The following DDX60 variants were observed in gnomAD, a reference collection of about 807,000 sequenced individuals.
DDX60 encodes the protein probable ATP-dependent RNA helicase DDX60.
A neutral mutation model predicts 212.8 loss-of-function variants in DDX60; 165 were observed. The ratio of observed to expected loss-of-function variants is 0.78; its 90% CI spans 0.68 to 0.88. The LOEUF (loss-of-function observed/expected upper bound fraction) is 0.88. DDX60 is among the 40% of genes least tolerant of loss of function. The pLI, the probability that DDX60 is intolerant of heterozygous loss-of-function variation, is 0.00. For missense variants in DDX60, 1,905 were observed against 2,003.9 expected (o/e 0.95, Z 0.94); for synonymous variants, 703 against 685.3 (o/e 1.03, Z -0.40).
At chr4:168,246,707 G>A (rs1015584945) in intron 29 of DDX60, 89 bp from the exon 30 acceptor site, 3 of 1,377,676 alleles carry the variant, frequency 2.2e-6, no homozygotes, top group African/African-American at 2.9e-5. Flanking sequence ...CTGGTTTGGA[G>A]CATGGAAATT....
chr4:168,319,369 CTG>C (rs1347881296), upstream of DDX60, among the ~76,000 whole-genome samples: 6 of 152,116 alleles, frequency 3.9e-5, no homozygotes, highest in African/African-American at 1.2e-4. Flanking sequence ...GTAAAAGACA[CTG>C]TGGAATCTGA....
chr4:168,310,644 G>A (rs1230639705), intron 3 of DDX60, among the ~76,000 whole-genome samples: 2 of 152,084 alleles, frequency 1.3e-5, no homozygotes, highest in Non-Finnish European at 2.9e-5. Context: ...GTAGAGCAGA[G>A]AGAAAGCTAT....
intron 1 of DDX60, among the ~76,000 whole-genome samples, chr4:168,311,676 C>T (rs1234527095): frequency 6.6e-6 from 1 of 151,974 alleles, no homozygotes; most frequent in Non-Finnish European, 1.5e-5. Context: ...AGAGGAAATA[C>T]CAGAATACCA....
chr4:168,277,725 C>T (rs1224721862), intron 14 of DDX60, among the ~76,000 whole-genome samples: 4 of 146,594 alleles, frequency 2.7e-5, no homozygotes, highest in Non-Finnish European at 4.5e-5. Context: ...AGGAGAATGG[C>T]GTGAACCCAG....
intron 33 of DDX60, among the ~76,000 whole-genome samples, chr4:168,233,789 C>T (rs182434955): frequency 9.9e-4 from 151 of 152,038 alleles, no homozygotes; most frequent in Middle Eastern, 3.4e-3. Flanking sequence ...GCACCAAAAT[C>T]TCAGAAATCA....
intron 29 of DDX60, among the ~76,000 whole-genome samples, 179 bp downstream of exon 29, chr4:168,248,009 A>G (rs917651716): frequency 6.6e-6 from 1 of 152,192 alleles, no homozygotes; most frequent in Non-Finnish European, 1.5e-5. Context: ...TAATCACACA[A>G]TCCCAAATGC....
chr4:168,325,899 G>A, the DDX60 span, among the ~76,000 whole-genome samples: 1 of 152,228 alleles, frequency 6.6e-6, no homozygotes, highest in East Asian at 1.9e-4. Context: ...CCCAGGGAGT[G>A]ACAGCCACGT....
chr4:168,316,420 A>G (rs1454580430), intron 1 of DDX60, among the ~76,000 whole-genome samples: 1 of 152,158 alleles, frequency 6.6e-6, no homozygotes, highest in African/African-American at 2.4e-5. Context: ...TAATTAACCA[A>G]CTTGGCAGTT....
intron 26 of DDX60, among the ~76,000 whole-genome samples, chr4:168,254,954 T>G (rs1008067760): frequency 6.6e-6 from 1 of 152,204 alleles, no homozygotes; most frequent in Non-Finnish European, 1.5e-5. Flanking sequence ...AAGCTTAGAC[T>G]TCATCAGCTA....
intron 6 of DDX60, among the ~76,000 whole-genome samples, chr4:168,296,914 C>T (rs1452181493): frequency 1.4e-5 from 2 of 145,954 alleles, no homozygotes; most frequent in Non-Finnish European, 3.0e-5. Context: ...CACTCTGTCA[C>T]CAGGCTGCAG....
rs780980323 is a variant in DDX60, at chr4:168,272,151, A to C, written c.2575-13T>G. The stretch of plus-strand genomic sequence containing the variant: ...CTGTAATAAGTACCTACAAAGAATA[A>C]TATTGTGTGAAGTAACATTTTGAGC... On this transcript the variant is annotated splice_polypyrimidine_tract_variant and intron_variant, in intron 18 of 37. Coordinates refer to ENST00000393743, the MANE Select transcript of DDX60 (RefSeq NM_017631.6). 3.2e-6 allele frequency: 5 copies of C among 1,555,724 alleles called. No homozygotes were observed. Among genetic ancestry groups the C allele is most frequent in the Non-Finnish European group, 2.6e-6 (3 of 1,146,070 alleles).
rs1162928731 is a variant in DDX60, at chr4:168,246,477, C to T, written c.4105G>A (p.Val1369Ile). 4 of 1,613,968 alleles carry T rather than the reference C, an allele frequency of 2.5e-6. No individual in the cohort carries two copies. Among genetic ancestry groups the T allele is most frequent in the South Asian group, 1.1e-5 (1 of 91,076 alleles). ...RGHFPLSITL[V>I]LRLMLLASKG... Reference sequence around the variant, plus strand: ...GAAGCCAGCAGCATGAGTCGCAGGACCAGGGTTATGCTGAGAGGGAAGTGT... The same window carrying T: ...GAAGCCAGCAGCATGAGTCGCAGGATCAGGGTTATGCTGAGAGGGAAGTGT... The change falls in exon 30 of 38, where the codon GTC (valine) becomes ATC (isoleucine). Residue 1369 changes from valine (V) to isoleucine (I), a missense_variant. Val to Ile is a conservative substitution (Grantham distance 29). Transcript: ENST00000393743.
rs749393895 is a variant in DDX60 at position 168,262,719 on chromosome 4, G to A, written c.3108C>T (p.Ala1036=). 1.9e-5 allele frequency: 31 copies of A among 1,612,026 alleles called. No individual in the cohort carries two copies. The highest frequency in any genetic ancestry group is 2.3e-5 in the Non-Finnish European group (27 of 1,178,988). ...GCCAACTTTTCCAAATTTGAAACAT[G>A]GCATCATACAGCTGGATGCTTTCTC... ...SPRESIQLYD[A]MFQIWKSWPR... Residue 1036 remains alanine, a synonymous_variant, in exon 23 of 38, where the codon GCC becomes GCT. Transcript: ENST00000393743.
chr4:168,308,002 T>G lies in DDX60; in HGVS notation c.264+4A>C, dbSNP rs774030256. On this transcript the variant is annotated splice_donor_region_variant and intron_variant, in intron 4 of 37. Coordinates refer to ENST00000393743, the MANE Select transcript of DDX60 (RefSeq NM_017631.6). ...TATAAAAAAGAACTCAACTATCATG[T>G]TACCTTGAAGAAAACTATGGTGAAT... is the stretch of plus-strand genomic sequence containing the variant. 9.6e-6 allele frequency: 15 copies of G among 1,563,610 alleles called. No individual in the cohort carries two copies. In the African/African-American group the frequency reaches 2.0e-4, roughly 20 times the overall value.
At chr4:168,256,287 G>A (rs1322586303) in intron 25 of DDX60, among the ~76,000 whole-genome samples, 2 of 151,868 alleles carry the variant, frequency 1.3e-5, no homozygotes, top group Non-Finnish European at 2.9e-5. Flanking sequence ...CTCTAAAAAT[G>A]AGAAAAAAAA....
intron 10 of DDX60, 103 bp downstream of exon 10, chr4:168,286,945 T>C (rs1735887280): frequency 1.2e-6 from 1 of 811,114 alleles, no homozygotes; most frequent in Non-Finnish European, 1.8e-6. Flanking sequence ...AAAATTCAAG[T>C]GCCAGAAAAT....
rs1579013816 is a variant in DDX60 at position 168,262,244 on chromosome 4, A to T, written c.3145-116T>A. On this transcript the variant is annotated intron_variant, in intron 23 of 37. Coordinates refer to ENST00000393743, the MANE Select transcript of DDX60 (RefSeq NM_017631.6). ...GTTTCTTGAGCACAGAGATGGTTAA[A>T]CTTTTTATCTCCACATGGCTTCTAA... 26 of 1,116,518 alleles carry T rather than the reference A, an allele frequency of 2.3e-5. 1 individual carries two copies. In the South Asian group the frequency reaches 3.8e-4, roughly 16 times the overall value. The allele number at this position is 1,116,518 out of a possible 1,614,324, so 69.2% of individuals were successfully genotyped here. A position where few individuals can be genotyped will look rare whatever the true frequency, so the allele number is the denominator to read the frequency against.
At chr4:168,268,232 AC>A (rs1224482136) in intron 20 of DDX60, among the ~76,000 whole-genome samples, 1 of 152,180 alleles carries the variant, frequency 6.6e-6, no homozygotes, top group African/African-American at 2.4e-5. Context: ...TCATATTGGA[AC>A]TGTGACTATT....
At chr4:168,265,874 AG>A (rs1442540145) in intron 22 of DDX60, among the ~76,000 whole-genome samples, 4 of 146,542 alleles carry the variant, frequency 2.7e-5, no homozygotes, top group African/African-American at 1.0e-4. Context: ...AGGGAAGGGA[AG>A]GGAAGGGAAG....
Sources: gnomAD v4.1 joint callset for allele counts (sites outside exome capture counted in the v4.1 genomes callset) on GRCh38, gnomAD v4.1.1 for gene constraint, MANE v1.5 for transcripts, NCBI Gene and HGNC (gene_info 2026-07-23, HGNC 2026-07-21) for gene names.